Variants in RBFOX1 observed in about 807,000 individuals in gnomAD.
RBFOX1 encodes RNA binding protein fox-1 homolog 1.
In RBFOX1, 8 loss-of-function variants were observed where a neutral mutation model predicts 57.7. The ratio of observed to expected loss-of-function variants is 0.14; its 90% CI spans 0.08 to 0.25. The LOEUF (loss-of-function observed/expected upper bound fraction) is 0.25, where lower values mean the gene tolerates loss of function less well. Among genes scored for constraint, RBFOX1 ranks in the 10% least tolerant of loss-of-function variants. The pLI is 1.00. For synonymous variants in RBFOX1, 326 were observed against 222.4 expected (o/e 1.47, Z -4.15); for missense variants, 611 against 548.5 (o/e 1.11, Z -1.14).
chr16:5,371,843 C>A (rs1032136277), intron 1 of RBFOX1, among the ~76,000 whole-genome samples: 1 of 152,164 alleles, frequency 6.6e-6, no homozygotes, highest in African/African-American at 2.4e-5. Flanking sequence ...TAAACTTCTC[C>A]TGTGTTTAAT....
chr16:7,448,762 C>A (rs1171969295), intron 4 of RBFOX1, among the ~76,000 whole-genome samples: 1 of 152,132 alleles, frequency 6.6e-6, no homozygotes, highest in East Asian at 1.9e-4. Flanking sequence ...GTCACACATA[C>A]ATTTTCCTTC....
intron 3 of RBFOX1, among the ~76,000 whole-genome samples, chr16:5,649,964 G>C (rs1462907795): frequency 6.6e-6 from 1 of 152,170 alleles, no homozygotes; most frequent in Non-Finnish European, 1.5e-5. Context: ...TGGAACACGC[G>C]GGGAGGTCGG....
chr16:6,499,134 C>A (rs1384733412), intron 2 of RBFOX1, among the ~76,000 whole-genome samples: 1 of 152,170 alleles, frequency 6.6e-6, no homozygotes, highest in Admixed American at 6.5e-5. Flanking sequence ...GCCAGGCAGC[C>A]TTTGTTTACT....
chr16:5,906,326 A>G (rs897710659), intron 4 of RBFOX1, among the ~76,000 whole-genome samples: 1 of 152,208 alleles, frequency 6.6e-6, no homozygotes, highest in African/African-American at 2.4e-5. Flanking sequence ...ACAAACACGC[A>G]CGTGGGGATA....
At chr16:6,397,850 C>T (rs979889298) in intron 2 of RBFOX1, among the ~76,000 whole-genome samples, 1 of 151,852 alleles carries the variant, frequency 6.6e-6, no homozygotes, top group Non-Finnish European at 1.5e-5. Flanking sequence ...ATTCTGAGAG[C>T]AACTACTAAA....
chr16:5,856,241 G>GTA (rs1445827230), intron 3 of RBFOX1, among the ~76,000 whole-genome samples: 5 of 67,038 alleles, frequency 7.5e-5, no homozygotes, highest in East Asian at 4.2e-4. Flanking sequence ...ATATATATGT[G>GTA]TATATATATG....
intron 1 of RBFOX1, among the ~76,000 whole-genome samples, chr16:5,300,700 A>G (rs1344679362): frequency 6.6e-6 from 1 of 152,122 alleles, no homozygotes; most frequent in African/African-American, 2.4e-5. Context: ...AAAACTTTTC[A>G]TATTTTCTAG....
At chr16:5,585,187 C>G (rs1567260740) in intron 2 of RBFOX1, among the ~76,000 whole-genome samples, 1 of 152,184 alleles carries the variant, frequency 6.6e-6, no homozygotes, top group Non-Finnish European at 1.5e-5. Context: ...CCCCCCGTCC[C>G]TGGAAATCAC....
At chr16:6,830,748 C>G (rs909550630) in intron 3 of RBFOX1, among the ~76,000 whole-genome samples, 1 of 152,182 alleles carries the variant, frequency 6.6e-6, no homozygotes. Flanking sequence ...TCTTTGCATT[C>G]TGGTAATTTT....
chr16:7,108,275 C>G (rs1251858963), intron 4 of RBFOX1, among the ~76,000 whole-genome samples: 1 of 152,252 alleles, frequency 6.6e-6, no homozygotes, highest in Non-Finnish European at 1.5e-5. Flanking sequence ...ATTCAGGGAG[C>G]TCAACATATA....
At chr16:6,596,464 A>G (rs1038788875) in intron 2 of RBFOX1, among the ~76,000 whole-genome samples, 6 of 152,302 alleles carry the variant, frequency 3.9e-5, no homozygotes, top group Middle Eastern at 3.4e-3. Flanking sequence ...ATATGAAGGT[A>G]TATTAATTCT....
chr16:5,240,435 T>C (rs2062136089), intron 1 of RBFOX1, among the ~76,000 whole-genome samples: 2 of 152,014 alleles, frequency 1.3e-5, no homozygotes, highest in Admixed American at 1.3e-4. Context: ...CTGGGCATCC[T>C]GTCTGGGGCA....
intron 3 of RBFOX1, among the ~76,000 whole-genome samples, chr16:5,662,158 C>G (rs1596641032): frequency 6.6e-6 from 1 of 152,136 alleles, no homozygotes; most frequent in East Asian, 1.9e-4. Context: ...CCTTTAAATT[C>G]CCCTCAGAAA....
At chr16:5,313,445 C>A (rs1007641622) in intron 1 of RBFOX1, among the ~76,000 whole-genome samples, 6 of 152,162 alleles carry the variant, frequency 3.9e-5, no homozygotes, top group Admixed American at 2.6e-4. Flanking sequence ...TCCTGTAGAA[C>A]AAACAGGATC....
At chr16:7,535,892 A>G (rs1318242009) in intron 5 of RBFOX1, among the ~76,000 whole-genome samples, 3 of 152,200 alleles carry the variant, frequency 2.0e-5, no homozygotes, top group African/African-American at 7.2e-5. Flanking sequence ...ATAATTGTGT[A>G]TTGTTCATTT....
At chr16:6,342,050 G>A (rs2084651404) in intron 2 of RBFOX1, among the ~76,000 whole-genome samples, 1 of 152,172 alleles carries the variant, frequency 6.6e-6, no homozygotes, top group Non-Finnish European at 1.5e-5. Flanking sequence ...CTGTTGGGGG[G>A]CCTATTATTC....
In RBFOX1 at chr16:6,492,943, C is replaced by G. The variant is rs145761241; in HGVS notation, c.-63-161660C>G. ...TGAAGGGACTATAAACAGTGATTAT[C>G]TTTGTTGTAGCTGTGCAGTATGACT... On this transcript the variant is annotated intron_variant, in intron 2 of 15. Coordinates refer to ENST00000550418, the MANE Select transcript of RBFOX1 (RefSeq NM_018723.4). 1.7e-3 allele frequency among the ~76,000 whole-genome samples: 262 copies of G among 152,278 alleles called. 1 individual carries two copies. The highest frequency in any genetic ancestry group is 5.7e-3 in the African/African-American group (236 of 41,558).
At chr16:5,612,794 G>C (rs961502826) in intron 3 of RBFOX1, among the ~76,000 whole-genome samples, 1 of 152,212 alleles carries the variant, frequency 6.6e-6, no homozygotes, top group Non-Finnish European at 1.5e-5. Flanking sequence ...TGAGGATGCT[G>C]GTCTTTAACC....
chr16:6,678,664 A>T (rs1275059566), intron 3 of RBFOX1, among the ~76,000 whole-genome samples: 2 of 151,672 alleles, frequency 1.3e-5, no homozygotes, highest in Non-Finnish European at 2.9e-5. Flanking sequence ...CTTCTAAGAC[A>T]CAAGATACAC....
Sources: allele counts gnomAD v4.1 joint callset (sites outside exome capture counted in the v4.1 genomes callset), GRCh38; gene constraint gnomAD v4.1.1; transcripts MANE v1.5; gene names NCBI Gene and HGNC (gene_info 2026-07-23, HGNC 2026-07-21).